The following SPIRE1 variants were observed in gnomAD, a reference collection of about 807,000 sequenced individuals.
SPIRE1 encodes the protein protein spire homolog 1.
In SPIRE1, 40 loss-of-function variants were observed where a neutral mutation model predicts 94.1. The ratio of observed to expected loss-of-function variants is 0.43; its 90% CI spans 0.33 to 0.55. The LOEUF (loss-of-function observed/expected upper bound fraction) is 0.55, where lower values mean the gene tolerates loss of function less well. Among genes scored for constraint, SPIRE1 ranks in the 20% least tolerant of loss-of-function variants. The pLI is 0.06. For synonymous variants in SPIRE1, 376 were observed against 371.7 expected (o/e 1.01, Z -0.13); for missense variants, 838 against 975.2 (o/e 0.86, Z 1.87).
intron 1 of SPIRE1, among the ~76,000 whole-genome samples, chr18:12,650,105 G>A (rs946925087): frequency 2.0e-5 from 3 of 152,046 alleles, no homozygotes; most frequent in South Asian, 2.1e-4. Context: ...CAGGCGCAGC[G>A]GCATGTGCAT....
chr18:12,540,989 G>A (rs1324769450), intron 3 of SPIRE1, among the ~76,000 whole-genome samples: 1 of 152,166 alleles, frequency 6.6e-6, no homozygotes, highest in Non-Finnish European at 1.5e-5. Flanking sequence ...GCCTCCCAAA[G>A]TGCTGGGATT....
intron 2 of SPIRE1, among the ~76,000 whole-genome samples, chr18:12,575,717 A>C (rs935753141): frequency 9.9e-5 from 15 of 152,226 alleles, no homozygotes; most frequent in Non-Finnish European, 1.8e-4. Flanking sequence ...GCTTACAAAA[A>C]CTTGCAATAT....
At chr18:12,603,705 G>A (rs2036898912) in intron 2 of SPIRE1, among the ~76,000 whole-genome samples, 1 of 151,864 alleles carries the variant, frequency 6.6e-6, no homozygotes, top group Non-Finnish European at 1.5e-5. Flanking sequence ...CTCCCGAGTA[G>A]CTGGGACTAC....
chr18:12,570,148 G>A (rs564566006), intron 2 of SPIRE1, among the ~76,000 whole-genome samples: 1 of 152,282 alleles, frequency 6.6e-6, no homozygotes, highest in South Asian at 2.1e-4. Flanking sequence ...TCTTTGTGCT[G>A]ACTTTGACTT....
chr18:12,611,835 CT>C (rs71174105), intron 2 of SPIRE1, among the ~76,000 whole-genome samples: 42 of 146,834 alleles, frequency 2.9e-4, no homozygotes, highest in African/African-American at 6.5e-4. Context: ...AGCTACTTTT[CT>C]TTTTTTTTTT....
At chr18:12,574,400 TAGAG>T (rs2036039562) in intron 2 of SPIRE1, among the ~76,000 whole-genome samples, 1 of 152,120 alleles carries the variant, frequency 6.6e-6, no homozygotes, top group Non-Finnish European at 1.5e-5. Context: ...AATAGGTAGA[TAGAG>T]AAAGTCTTTA....
intron 2 of SPIRE1, among the ~76,000 whole-genome samples, chr18:12,598,660 T>A (rs1247217790): frequency 6.6e-6 from 1 of 152,146 alleles, no homozygotes; most frequent in Non-Finnish European, 1.5e-5. Flanking sequence ...GGCAAGGATA[T>A]CGACTGGCTC....
chr18:12,584,576 G>C (rs1457665612), intron 2 of SPIRE1, among the ~76,000 whole-genome samples: 2 of 152,054 alleles, frequency 1.3e-5, no homozygotes. Flanking sequence ...AAAACAGGCA[G>C]CCAGAATTAC....
chr18:12,480,734 G>C (rs2143769375), intron 9 of SPIRE1, among the ~76,000 whole-genome samples: 1 of 152,220 alleles, frequency 6.6e-6, no homozygotes, highest in East Asian at 1.9e-4. Context: ...TGACTCTGAT[G>C]GCCTGCTTTT....
chr18:12,616,148 C>T (rs2037301480), intron 2 of SPIRE1, among the ~76,000 whole-genome samples: 1 of 152,200 alleles, frequency 6.6e-6, no homozygotes, highest in Non-Finnish European at 1.5e-5. Context: ...AAGCATTCTT[C>T]CCTCTTCCCT....
intron 3 of SPIRE1, among the ~76,000 whole-genome samples, chr18:12,537,995 A>G (rs953820917): frequency 1.3e-5 from 2 of 152,176 alleles, no homozygotes; most frequent in African/African-American, 4.8e-5. Flanking sequence ...AAATAGAAAG[A>G]CTGATCCTAA....
At chr18:12,472,227 A>C (rs565819646) in intron 10 of SPIRE1, among the ~76,000 whole-genome samples, 1 of 152,292 alleles carries the variant, frequency 6.6e-6, no homozygotes, top group South Asian at 2.1e-4. Context: ...CCGAGGCAAG[A>C]GGAATGCTTG....
At chr18:12,558,472 A>C (rs1014900491) in intron 2 of SPIRE1, among the ~76,000 whole-genome samples, 2 of 152,156 alleles carry the variant, frequency 1.3e-5, no homozygotes, top group South Asian at 2.1e-4. Flanking sequence ...ATGGAAGGGG[A>C]CTCGAGCAGC....
intron 4 of SPIRE1, among the ~76,000 whole-genome samples, chr18:12,526,149 A>G (rs2034520008): frequency 6.6e-6 from 1 of 151,108 alleles, no homozygotes; most frequent in Non-Finnish European, 1.5e-5. Context: ...TCACAAAACT[A>G]TAGACTCTTC....
chr18:12,483,532 G>A (rs1433140953), intron 9 of SPIRE1, among the ~76,000 whole-genome samples: 1 of 152,058 alleles, frequency 6.6e-6, no homozygotes, highest in Non-Finnish European at 1.5e-5. Context: ...ATATGTGTCT[G>A]CTGCCTTATT....
chr18:12,491,932 A>C (rs1368354262), intron 8 of SPIRE1, among the ~76,000 whole-genome samples: 1 of 152,236 alleles, frequency 6.6e-6, no homozygotes, highest in Admixed American at 6.5e-5. Context: ...GCCATCGGGT[A>C]AGAGTCAAAG....
intron 12 of SPIRE1, chr18:12,459,841 G>T: frequency 1.0e-6 from 1 of 985,976 alleles, no homozygotes; most frequent in Non-Finnish European, 1.2e-6. Flanking sequence ...GCTTCAAAAG[G>T]ATGAGAGCTG....
intron 2 of SPIRE1, among the ~76,000 whole-genome samples, chr18:12,588,605 TAAAA>T (rs5823229): frequency 7.4e-6 from 1 of 135,554 alleles, no homozygotes; most frequent in Non-Finnish European, 1.6e-5. Flanking sequence ...TGTCTCACTT[TAAAA>T]AAAAAAAAAA....
chr18:12,624,055 C>G (rs2037551440), intron 2 of SPIRE1, among the ~76,000 whole-genome samples: 1 of 151,436 alleles, frequency 6.6e-6, no homozygotes, highest in Middle Eastern at 3.4e-3. Flanking sequence ...TCCCGAGTAG[C>G]TGGGATTACA....
Sources: gnomAD v4.1 joint callset for allele counts (sites outside exome capture counted in the v4.1 genomes callset) on GRCh38, gnomAD v4.1.1 for gene constraint, MANE v1.5 for transcripts, NCBI Gene and HGNC (gene_info 2026-07-23, HGNC 2026-07-21) for gene names.